The following WDR11 variants were observed in gnomAD, a reference collection of about 807,000 sequenced individuals.
WDR11 encodes the protein WD repeat domain 11.
In WDR11, 83 loss-of-function variants were observed where a neutral mutation model predicts 151.2. The ratio of observed to expected loss-of-function variants is 0.55; its 90% CI spans 0.46 to 0.66. The LOEUF (loss-of-function observed/expected upper bound fraction) is 0.66. Ranked by LOEUF, WDR11 falls within the 30% of genes least tolerant of loss-of-function variation. The pLI is 0.00. For synonymous variants in WDR11, 484 were observed against 533.1 expected (o/e 0.91, Z 1.27); for missense variants, 1,301 against 1,480.9 (o/e 0.88, Z 1.99).
chr10:120,905,031 A>G (rs984965211), intron 25 of WDR11, among the ~76,000 whole-genome samples: 2 of 152,224 alleles, frequency 1.3e-5, no homozygotes, highest in Non-Finnish European at 2.9e-5. Flanking sequence ...AATTGCTGAG[A>G]TAATAGGCAT....
intron 2 of WDR11, 55 bp from the exon 3 acceptor site, chr10:120,858,588 T>C: frequency 6.2e-7 from 1 of 1,604,912 alleles, no homozygotes; most frequent in Non-Finnish European, 8.5e-7. Context: ...GTGAAAATTA[T>C]GTTCTGTTTC....
chr10:120,869,620 A>G (rs1374625380), intron 9 of WDR11, among the ~76,000 whole-genome samples: 3 of 152,170 alleles, frequency 2.0e-5, no homozygotes, highest in Non-Finnish European at 4.4e-5. Context: ...TATTCACTGG[A>G]TAAATGCTGA....
chr10:120,872,041 C>T (rs1011125899), intron 10 of WDR11, among the ~76,000 whole-genome samples: 3 of 152,148 alleles, frequency 2.0e-5, no homozygotes, highest in Non-Finnish European at 4.4e-5. Flanking sequence ...GTTTGAAACT[C>T]AACATTTCTT....
intron 16 of WDR11, among the ~76,000 whole-genome samples, chr10:120,888,611 A>C (rs1847306551): frequency 1.3e-5 from 2 of 152,234 alleles, no homozygotes; most frequent in Non-Finnish European, 2.9e-5. Context: ...ACAATGTTCC[A>C]AAACGTGTCA....
chr10:120,904,270 A>G (rs1847949986), intron 24 of WDR11, 128 bp downstream of exon 24: 5 of 749,898 alleles, frequency 6.7e-6, no homozygotes, highest in Middle Eastern at 3.7e-4. Flanking sequence ...CCCTGTAGAC[A>G]GTTTAGGCTT....
At chr10:120,873,529 G>T (rs1846622781) in intron 10 of WDR11, among the ~76,000 whole-genome samples, 1 of 152,172 alleles carries the variant, frequency 6.6e-6, no homozygotes, top group Non-Finnish European at 1.5e-5. Context: ...ATTCCCATGT[G>T]TATAAAAGCT....
rs1847407944 is a variant in WDR11, at chr10:120,890,842, T to C, written c.2470T>C (p.Ser824Pro). 1 of 1,614,164 alleles carries C rather than the reference T, an allele frequency of 6.2e-7. No homozygotes were observed. The highest frequency in any genetic ancestry group is 1.3e-5 in the African/African-American group (1 of 75,044). Reference protein sequence around the residue: ...DDGCIRVLEMSMKSACFRMDE... With the variant: ...DDGCIRVLEMPMKSACFRMDE... ...TGGGTGCATCAGAGTCCTAGAGATG[T>C]CTATGAAGTCTGCGTGCTTTAGAAT... Residue 824 changes from serine to proline, a missense_variant, in exon 19 of 29, where the codon TCT (serine) becomes CCT (proline). By Grantham distance (74) the Ser-to-Pro change is moderately conservative. Around this residue, in one of 3 missense-constraint regions of WDR11, gnomAD observed 589 missense variants for 670.6 expected, o/e 0.88. Transcript: ENST00000263461.
chr10:120,869,204 G>A (rs1317961434), intron 9 of WDR11, among the ~76,000 whole-genome samples: 4 of 145,970 alleles, frequency 2.7e-5, no homozygotes, highest in East Asian at 2.1e-4. Flanking sequence ...TCCGCCTCCC[G>A]GGTTCACGCC....
At position 120,866,705 on chromosome 10, in the gene WDR11, T is replaced by C. The variant is rs749411438; in HGVS notation, c.1131T>C (p.Asp377=). Residue 377 remains aspartate, a synonymous_variant, in exon 8 of 29, where the codon GAT becomes GAC. Transcript: ENST00000263461. ...NENAAALVVS[D]GRVMIWELKS... ...ATGCAGCCGCCCTCGTAGTGAGTGATGGCAGGGTCATGATATGGGAACTCA... is the reference window on the plus strand; with the variant it reads ...ATGCAGCCGCCCTCGTAGTGAGTGACGGCAGGGTCATGATATGGGAACTCA... The C allele has an allele frequency of 6.2e-7, 1 of 1,614,190 alleles. No homozygotes were observed. The highest frequency in any genetic ancestry group is 8.5e-7 in the Non-Finnish European group (1 of 1,180,034).
chr10:120,872,976 A>G lies in WDR11; in HGVS notation c.1472-863A>G, dbSNP rs556278723. Among the ~76,000 whole-genome samples the G allele has an allele frequency of 1.9e-4, 29 of 152,282 alleles. 1 individual carries two copies. Among genetic ancestry groups the G allele is most frequent in the Admixed American group, 1.1e-3 (17 of 15,288 alleles). ...ATGTGCAGTGCAAAAGTGATTGTCCATATAGACTGTTCACTTTTCTTGCTT... is the reference window on the plus strand; with the variant it reads ...ATGTGCAGTGCAAAAGTGATTGTCCGTATAGACTGTTCACTTTTCTTGCTT... On this transcript the variant is annotated intron_variant, in intron 10 of 28. Coordinates refer to ENST00000263461, the MANE Select transcript of WDR11 (RefSeq NM_018117.12).
chr10:120,892,180 C>T (rs1034208630), intron 19 of WDR11, among the ~76,000 whole-genome samples: 5 of 152,180 alleles, frequency 3.3e-5, no homozygotes, highest in Non-Finnish European at 7.3e-5. Context: ...GTAGCTTGTT[C>T]TTAAATTAAA....
intron 23 of WDR11, among the ~76,000 whole-genome samples, chr10:120,903,541 C>G (rs1341567347): frequency 5.5e-5 from 8 of 146,582 alleles, no homozygotes; most frequent in Non-Finnish European, 1.0e-4. Context: ...AAGAAAGAAG[C>G]CCTCGGTACA....
intron 4 of WDR11, among the ~76,000 whole-genome samples, chr10:120,860,820 A>G (rs550093630): frequency 5.8e-4 from 88 of 152,322 alleles, no homozygotes; most frequent in Middle Eastern, 3.4e-3. Context: ...GATGTGCTTT[A>G]GGTATTTTTG....
chr10:120,873,838 G>A lies in WDR11; in HGVS notation c.1472-1G>A. 1.2e-6 allele frequency: 2 copies of A among 1,608,736 alleles called. No homozygotes were observed. The highest frequency in any genetic ancestry group is 1.7e-6 in the Non-Finnish European group (2 of 1,175,220). ...GCTCTTCCATGATGTCATTTTGAAAGGTACAAGTAATGGTTCTGTCCTGGT... is the reference window on the plus strand; with the variant it reads ...GCTCTTCCATGATGTCATTTTGAAAAGTACAAGTAATGGTTCTGTCCTGGT... On this transcript the variant is annotated splice_acceptor_variant, in intron 10 of 28. Transcript: ENST00000263461. LOFTEE classifies it high-confidence loss of function.
At position 120,865,648 on chromosome 10, in the gene WDR11, C is replaced by T. The variant is rs555653262; in HGVS notation, c.898C>T (p.Arg300Cys). ...PFLQVIPCFQ[R>C]DGLFCLHENG... ...TTTAAAGGTAATACCCTGCTTTCAG[C>T]GTGATGGTTTATTTTGTCTACATGA... The change falls in exon 7 of 29, where the codon CGT becomes TGT. Residue 300 changes from arginine to cysteine, a missense_variant. Physicochemically the swap from Arg to Cys is radical, Grantham distance 180 (BLOSUM62 -3). This residue lies in a region of WDR11 where 692 missense variants were observed against 762.5 expected (regional missense o/e 0.91). Transcript: ENST00000263461. 1.9e-5 allele frequency: 30 copies of T among 1,608,960 alleles called. No individual in the cohort carries two copies. Among genetic ancestry groups the T allele is most frequent in the Non-Finnish European group, 2.5e-5 (29 of 1,177,830 alleles).
At chr10:120,859,982 A>G in intron 3 of WDR11, 127 bp from the exon 4 acceptor site, 2 of 991,008 alleles carry the variant, frequency 2.0e-6, no homozygotes, top group Non-Finnish European at 3.1e-6. Flanking sequence ...CACACACGTC[A>G]CATTTGGGGC....
chr10:120,905,458 G>C (rs755577365), intron 26 of WDR11, 42 bp downstream of exon 26: 2 of 1,600,444 alleles, frequency 1.2e-6, no homozygotes, highest in Non-Finnish European at 1.7e-6. Context: ...CAACATTCGG[G>C]ATAGAAAGCT....
chr10:120,882,323 A>C (rs955086480), intron 13 of WDR11, among the ~76,000 whole-genome samples: 2 of 152,020 alleles, frequency 1.3e-5, no homozygotes, highest in African/African-American at 4.8e-5. Flanking sequence ...ATCTATGTTC[A>C]TGAAGGATAT....
intron 19 of WDR11, chr10:120,899,815 G>A: frequency 1.7e-6 from 1 of 584,154 alleles, no homozygotes; most frequent in South Asian, 2.2e-5. Flanking sequence ...TCAAAAAAGG[G>A]GGAAAAGAAA....
Sources: gnomAD v4.1 joint callset for allele counts (sites outside exome capture counted in the v4.1 genomes callset) on GRCh38, gnomAD v4.1.1 for gene constraint, gnomAD v4.1.1 regional missense constraint, MANE v1.5 for transcripts, NCBI Gene and HGNC (gene_info 2026-07-23, HGNC 2026-07-21) for gene names.